Variants in HHLA2 observed in about 807,000 individuals in gnomAD.
The protein encoded by HHLA2 is HHLA2 member of B7 family.
HHLA2 carries 48 observed loss-of-function variants against 45.9 expected under a neutral mutation model. That is an observed-to-expected ratio of 1.05 (90% confidence interval 0.83 to 1.33). HHLA2 has a LOEUF of 1.33. Among genes scored for constraint, HHLA2 ranks in the 40% most tolerant of loss-of-function variants. HHLA2 has a pLI of 0.00. For synonymous variants in HHLA2, 161 were observed against 173.9 expected, an observed-to-expected ratio of 0.93 and a Z score of 0.59; for missense variants, 462 against 494.3, an observed-to-expected ratio of 0.93 and a Z score of 0.62.
chr3:108,369,992 C>G (rs915187073), intron 8 of HHLA2, among the ~76,000 whole-genome samples: 6 of 152,212 alleles, frequency 3.9e-5, no homozygotes, highest in African/African-American at 7.2e-5. Flanking sequence ...AGCTTGAGAT[C>G]TGAGAACGGG....
At chr3:108,351,964 T>C in intron 4 of HHLA2, 87 bp downstream of exon 3, 2 of 843,906 alleles carry the variant, frequency 2.4e-6, no homozygotes, top group Non-Finnish European at 3.9e-6. Context: ...ATTTCCTCCA[T>C]AGCCACAGCA....
intron 8 of HHLA2, among the ~76,000 whole-genome samples, chr3:108,368,120 T>A (rs940473685): frequency 6.6e-6 from 1 of 151,950 alleles, no homozygotes; most frequent in Non-Finnish European, 1.5e-5. Flanking sequence ...GCTTCATGAG[T>A]GAAGGAGAAA....
At chr3:108,377,548 T>C (rs2082295498) in exon 11 of HHLA2, 1 of 420,976 alleles carries the variant, frequency 2.4e-6, no homozygotes, top group East Asian at 3.6e-5. Flanking sequence ...TCTCATTCAT[T>C]TACATTTCTG....
At position 108,362,328 on chromosome 3, in the gene HHLA2, C is replaced by CTT. The variant is rs746402425; in HGVS notation, c.1004-4_1004-3dup. ...TTCCAGTTCACAGACTTTGTTTCTC[C>CTT]TTTTTTTTTTTAGAACCGAGCCAAG... On this transcript the variant is annotated splice_polypyrimidine_tract_variant and intron_variant, in intron 7 of 10. Transcript: ENST00000619531. The CTT allele has an allele frequency of 7.1e-5, 86 of 1,214,678 alleles. No homozygotes were observed. The highest frequency in any genetic ancestry group is 8.2e-5 in the Admixed American group (4 of 48,812). 75.2% of individuals were successfully genotyped at this position (1,214,678 alleles called of 1,614,324 possible). A position where few individuals can be genotyped will look rare whatever the true frequency, so the allele number is the denominator to read the frequency against.
chr3:108,365,359 TCTGTTTTGGTACCAGTACTATG>T (rs1489728909), intron 8 of HHLA2, among the ~76,000 whole-genome samples: 1 of 152,202 alleles, frequency 6.6e-6, no homozygotes, highest in African/African-American at 2.4e-5. Flanking sequence ...GGTCTATGTA[TCTGTTTTGGTACCAGTACTATG>T]CTGTTTTGGT....
At chr3:108,320,933 A>G (rs761464512) in intron 2 of HHLA2, among the ~76,000 whole-genome samples, 23 of 152,064 alleles carry the variant, frequency 1.5e-4, no homozygotes, top group Non-Finnish European at 2.5e-4. Flanking sequence ...AGCTCGCAGA[A>G]GTCAGTGATA....
At chr3:108,310,499 T>C (rs1339781290) in intron 1 of HHLA2, 156 bp from the exon 2 acceptor site, 1 of 152,614 alleles carries the variant, frequency 6.6e-6, no homozygotes, top group Non-Finnish European at 1.5e-5. Context: ...AGTAATTCAT[T>C]TGGATTATCA....
chr3:108,316,104 A>G (rs1438721632), intron 2 of HHLA2, among the ~76,000 whole-genome samples: 3 of 152,162 alleles, frequency 2.0e-5, no homozygotes, highest in Non-Finnish European at 2.9e-5. Flanking sequence ...AAAAATGAAA[A>G]AAAAAGATGA....
At position 108,377,230 on chromosome 3, in the gene HHLA2, A is replaced by G. The variant is rs759215285; in HGVS notation, c.1225-28A>G. 7 of 1,436,860 alleles carry G rather than the reference A, an allele frequency of 4.9e-6. No individual in the cohort carries two copies. In the South Asian group the frequency reaches 8.2e-5, roughly 17 times the overall value. 89.0% of individuals were successfully genotyped at this position (1,436,860 alleles called of 1,614,324 possible). A position where few individuals can be genotyped will look rare whatever the true frequency, so the allele number is the denominator to read the frequency against. The stretch of plus-strand genomic sequence containing the variant: ...GGTTATTCTGACTTGAACAACAGAC[A>G]TTTAGAGTCTATTTTTCTTGCTTCT... On this transcript the variant is annotated intron_variant, in intron 10 of 10. Transcript: ENST00000619531.
chr3:108,371,531 A>G (rs528013027), intron 8 of HHLA2, among the ~76,000 whole-genome samples: 1 of 152,362 alleles, frequency 6.6e-6, no homozygotes, highest in African/African-American at 2.4e-5. Flanking sequence ...ACAGAGTGGC[A>G]AATTGGATAA....
At chr3:108,363,024 T>C (rs4855642) in intron 8 of HHLA2, among the ~76,000 whole-genome samples, 12,032 of 152,220 alleles carry the variant, frequency 0.079, 654 homozygotes, top group African/African-American at 0.16. Flanking sequence ...ATTGTTCTTT[T>C]CTTATGGGTC....
At chr3:108,338,528 T>C (rs2081513102) in intron 3 of HHLA2, among the ~76,000 whole-genome samples, 1 of 152,234 alleles carries the variant, frequency 6.6e-6, no homozygotes, top group East Asian at 1.9e-4. Flanking sequence ...TCAGCCTTCC[T>C]GTTCGCTTCT....
intron 3 of HHLA2, among the ~76,000 whole-genome samples, chr3:108,328,908 C>G (rs2081337253): frequency 6.6e-6 from 1 of 152,112 alleles, no homozygotes; most frequent in African/African-American, 2.4e-5. Flanking sequence ...TCTCTAAAGA[C>G]TCTTTTGCAC....
chr3:108,328,204 T>A (rs1291133280), intron 2 of HHLA2: 5 of 713,134 alleles, frequency 7.0e-6, no homozygotes, highest in Non-Finnish European at 1.1e-5. Context: ...GAATTTGTTT[T>A]TATTTTACTG....
intron 1 of HHLA2, among the ~76,000 whole-genome samples, chr3:108,305,381 T>C (rs1490165388): frequency 6.6e-6 from 1 of 152,168 alleles, no homozygotes; most frequent in African/African-American, 2.4e-5. Context: ...CATTCATCAG[T>C]GTGAAGGACT....
At chr3:108,363,968 CTTACTTCTT>C (rs1201746059) in intron 8 of HHLA2, among the ~76,000 whole-genome samples, 2 of 101,272 alleles carry the variant, frequency 2.0e-5, no homozygotes, top group Non-Finnish European at 4.7e-5. Context: ...AGGAGAGTGA[CTTACTTCTT>C]TTTTTTTTTT....
At chr3:108,330,610 T>C (rs1238490362) in intron 3 of HHLA2, among the ~76,000 whole-genome samples, 2 of 151,972 alleles carry the variant, frequency 1.3e-5, no homozygotes, top group East Asian at 3.9e-4. Context: ...AGAAAGAAAC[T>C]GGGATGATGT....
chr3:108,317,653 C>A (rs1210513131), intron 2 of HHLA2, among the ~76,000 whole-genome samples: 2 of 150,998 alleles, frequency 1.3e-5, no homozygotes, highest in Admixed American at 6.6e-5. Flanking sequence ...TGGCTCACTG[C>A]AACCTCTGCC....
chr3:108,371,526 G>C (rs1375277058), intron 8 of HHLA2, among the ~76,000 whole-genome samples: 4 of 152,078 alleles, frequency 2.6e-5, no homozygotes, highest in Non-Finnish European at 4.4e-5. Flanking sequence ...AAGACACAGA[G>C]TGGCAAATTG....
Sources: gnomAD v4.1 joint callset for allele counts (sites outside exome capture counted in the v4.1 genomes callset) on GRCh38, gnomAD v4.1.1 for gene constraint, MANE v1.5 for transcripts, NCBI Gene and HGNC (gene_info 2026-07-23, HGNC 2026-07-21) for gene names.